COL14A1: variants seen among roughly 807,000 people sequenced by gnomAD.
COL14A1 encodes the protein collagen alpha-1(XIV) chain.
COL14A1 carries 136 observed loss-of-function variants against 230.3 expected under a neutral mutation model. That is an observed-to-expected ratio of 0.59 (90% CI 0.51 to 0.68). The LOEUF is 0.68. Among genes scored for constraint, COL14A1 ranks in the 30% least tolerant of loss-of-function variants. The pLI is 0.00. For missense variants in COL14A1, 1,976 were observed against 2,215.8 expected, an observed-to-expected ratio of 0.89 and a Z score of 2.17; for synonymous variants, 792 against 784.1, an observed-to-expected ratio of 1.01 and a Z score of -0.17.
chr8:120,248,913 C>CTCTCT (rs1818844476), intron 21 of COL14A1, among the ~76,000 whole-genome samples: 1 of 106,418 alleles, frequency 9.4e-6, no homozygotes, highest in African/African-American at 4.5e-5. Context: ...TAGTTTCAAT[C>CTCTCT]TTTCTTTTTT....
chr8:120,172,317 A>G (rs1816120628), intron 5 of COL14A1, among the ~76,000 whole-genome samples: 1 of 151,830 alleles, frequency 6.6e-6, no homozygotes, highest in South Asian at 2.1e-4. Flanking sequence ...TGCCCAGCTA[A>G]TTTTTGTATT....
rs1278257615 is a variant in COL14A1 at position 120,147,833 on chromosome 8, G to A, written c.-10G>A. ...GGCTGCTACACCCCATGTAAAAAGCGGAAAATAAAATGAAGATTTTCCAGC... is the reference window on the plus strand; with the variant it reads ...GGCTGCTACACCCCATGTAAAAAGCAGAAAATAAAATGAAGATTTTCCAGC... On this transcript the variant is annotated 5_prime_UTR_variant, in exon 2 of 48. Transcript: ENST00000297848. 3.7e-6 allele frequency: 6 copies of A among 1,610,628 alleles called. No homozygotes were observed. Among genetic ancestry groups the A allele is most frequent in the African/African-American group, 1.3e-5 (1 of 74,738 alleles).
intron 42 of COL14A1, among the ~76,000 whole-genome samples, chr8:120,333,212 A>G (rs1821930755): frequency 6.6e-6 from 1 of 152,284 alleles, no homozygotes; most frequent in African/African-American, 2.4e-5. Context: ...AAGTGAAAAC[A>G]TAATGAACAG....
chr8:120,243,024 C>T (rs1269328874), intron 19 of COL14A1, among the ~76,000 whole-genome samples: 1 of 152,204 alleles, frequency 6.6e-6, no homozygotes, highest in Admixed American at 6.5e-5. Flanking sequence ...TACATCCTAG[C>T]ACTTTTCCAG....
chr8:120,277,833 A>T (rs993938917), intron 26 of COL14A1: 2 of 183,650 alleles, frequency 1.1e-5, no homozygotes, highest in Non-Finnish European at 2.3e-5. Context: ...GGGGGACAGA[A>T]TCATTTGTAC....
intron 20 of COL14A1, among the ~76,000 whole-genome samples, chr8:120,245,609 G>T (rs962736184): frequency 6.6e-6 from 1 of 152,126 alleles, no homozygotes; most frequent in South Asian, 2.1e-4. Flanking sequence ...AGGAAATTAG[G>T]CAGGACTTGC....
chr8:120,266,921 T>G (rs1420471466), intron 25 of COL14A1, 38 bp downstream of exon 25: 1 of 1,554,696 alleles, frequency 6.4e-7, no homozygotes, highest in Non-Finnish European at 8.9e-7. Context: ...ATTCTAGGTT[T>G]AGGATTTGTG....
At chr8:120,240,979 C>T (rs1818591261) in intron 19 of COL14A1, among the ~76,000 whole-genome samples, 1 of 151,996 alleles carries the variant, frequency 6.6e-6, no homozygotes, top group South Asian at 2.1e-4. Context: ...GTAGGAAGGT[C>T]TCTCATTTAT....
At chr8:120,362,592 C>A (rs939957162) in intron 45 of COL14A1, among the ~76,000 whole-genome samples, 1 of 152,136 alleles carries the variant, frequency 6.6e-6, no homozygotes, top group Non-Finnish European at 1.5e-5. Flanking sequence ...GAGAATCAGG[C>A]AACCTGAAGT....
intron 24 of COL14A1, among the ~76,000 whole-genome samples, chr8:120,265,965 C>T (rs1049264790): frequency 2.6e-5 from 4 of 151,958 alleles, no homozygotes; most frequent in Non-Finnish European, 5.9e-5. Context: ...TGCTTAGTAT[C>T]GCCTGAGGCT....
At chr8:120,177,986 T>G (rs16893631) in intron 5 of COL14A1, among the ~76,000 whole-genome samples, 39,098 of 151,888 alleles carry the variant, frequency 0.26, 5,536 homozygotes, top group African/African-American at 0.38. Context: ...AGAAAAGGAC[T>G]TATTGAACCC....
At chr8:120,171,635 G>A (rs1029573067) in intron 5 of COL14A1, among the ~76,000 whole-genome samples, 8 of 152,076 alleles carry the variant, frequency 5.3e-5, no homozygotes, top group Non-Finnish European at 8.8e-5. Flanking sequence ...CTCTGGTTGC[G>A]TTTCAGGCTT....
In COL14A1 at chr8:120,358,926, C is replaced by T. The variant is rs115374368; in HGVS notation, c.5078-8245C>T. Among the ~76,000 whole-genome samples, 495 of 152,138 alleles carry T rather than the reference C, an allele frequency of 3.3e-3. 2 individuals carry two copies. Among genetic ancestry groups the T allele is most frequent in the African/African-American group, 0.011 (462 of 41,486 alleles). ...GCAGAGAAAAGATATATTCATTAAT[C>T]CTTTCCATTTTCATTGTTCTAGATT... On this transcript the variant is annotated intron_variant, in intron 45 of 47. Coordinates refer to ENST00000297848, the MANE Select transcript of COL14A1 (RefSeq NM_021110.4).
At chr8:120,369,194 C>T (rs1823504836) in intron 46 of COL14A1, 136 bp from the exon 47 acceptor site, 2 of 792,990 alleles carry the variant, frequency 2.5e-6, no homozygotes, top group Admixed American at 7.5e-5. Context: ...CAAAAAAGAA[C>T]TCAATGAGTA....
intron 15 of COL14A1, among the ~76,000 whole-genome samples, chr8:120,225,771 G>A (rs897434144): frequency 1.3e-5 from 2 of 151,786 alleles, no homozygotes; most frequent in Non-Finnish European, 2.9e-5. Context: ...ATCTCTTGGT[G>A]GCAACAATTC....
chr8:120,129,726 C>G, intron 1 of COL14A1, among the ~76,000 whole-genome samples: 1 of 152,226 alleles, frequency 6.6e-6, no homozygotes, highest in East Asian at 1.9e-4. Flanking sequence ...CTGGGGCACA[C>G]AACTTGGGAG....
At chr8:120,355,710 C>T (rs952596220) in intron 45 of COL14A1, among the ~76,000 whole-genome samples, 2 of 152,076 alleles carry the variant, frequency 1.3e-5, no homozygotes, top group African/African-American at 2.4e-5. Context: ...CATGATCCAC[C>T]GCACCCAGCC....
Position 120,231,635 on chromosome 8 carries a change from C to G in COL14A1, c.2349+17C>G. ...ATAGGAACGGTCTGTATAAATTCAA[C>G]TGACTAGAAACTCTGCAGATGTTAC... On this transcript the variant is annotated intron_variant, in intron 19 of 47. Transcript: ENST00000297848. 1.2e-6 allele frequency: 2 copies of G among 1,610,052 alleles called. No homozygotes were observed. Among genetic ancestry groups the G allele is most frequent in the Non-Finnish European group, 1.7e-6 (2 of 1,178,526 alleles).
At chr8:120,178,433 T>C (rs945362503) in intron 5 of COL14A1, among the ~76,000 whole-genome samples, 1 of 152,208 alleles carries the variant, frequency 6.6e-6, no homozygotes, top group Non-Finnish European at 1.5e-5. Context: ...TGCATAGTGT[T>C]CCATGGTGTA....
Sources: gnomAD v4.1 joint callset for allele counts (sites outside exome capture counted in the v4.1 genomes callset) on GRCh38, gnomAD v4.1.1 for gene constraint, MANE v1.5 for transcripts, NCBI Gene and HGNC (gene_info 2026-07-23, HGNC 2026-07-21) for gene names.